PRIMA1: variants seen among roughly 807,000 people sequenced by gnomAD.
The protein encoded by PRIMA1 is proline-rich membrane anchor 1.
PRIMA1 carries 7 observed loss-of-function variants against 17.5 expected under a neutral mutation model. The observed-to-expected ratio is 0.40, with a 90% CI of 0.23 to 0.75. The LOEUF is 0.75. Ranked by LOEUF, PRIMA1 falls within the 30% of genes least tolerant of loss-of-function variation. The pLI, the probability that PRIMA1 is intolerant of heterozygous loss-of-function variation, is 0.37. For synonymous variants in PRIMA1, 97 were observed against 77.9 expected (o/e 1.25, Z -1.29); for missense variants, 200 against 201.8 (o/e 0.99, Z 0.05).
At chr14:93,738,468 G>T (rs924024531) in intron 3 of PRIMA1, among the ~76,000 whole-genome samples, 1 of 152,126 alleles carries the variant, frequency 6.6e-6, no homozygotes, top group Admixed American at 6.5e-5. Context: ...AGGGATGGAC[G>T]GATGGATGGA....
In PRIMA1 at chr14:93,746,751, C is replaced by T. The variant is rs139681079; in HGVS notation, c.230-9381G>A. Among the ~76,000 whole-genome samples, 218 of 152,176 alleles carry T rather than the reference C, an allele frequency of 1.4e-3. 6 individuals carry two copies. In the South Asian group the frequency reaches 0.042, roughly 29 times the overall value. On this transcript the variant is annotated intron_variant, in intron 3 of 4. Transcript: ENST00000393140. ...GGCGGGGCTCAGACTCAGGGTTCTC[C>T]GCAGAGGCGGTGAGGAAAGGTCAGA... is the stretch of plus-strand genomic sequence containing the variant.
At chr14:93,721,623 G>A (rs2076039384) in intron 4 of PRIMA1, 77 bp from the exon 5 acceptor site, 1 of 854,894 alleles carries the variant, frequency 1.2e-6, no homozygotes, top group South Asian at 1.4e-5. Context: ...TGATGGTGGG[G>A]TGTAACCTCC....
chr14:93,773,618 G>A (rs1469938577), intron 3 of PRIMA1, among the ~76,000 whole-genome samples: 3 of 152,226 alleles, frequency 2.0e-5, no homozygotes, highest in African/African-American at 7.2e-5. Flanking sequence ...GCAGAAAGTG[G>A]AGATGCTGCT....
At chr14:93,749,216 G>C (rs1362140985) in intron 3 of PRIMA1, among the ~76,000 whole-genome samples, 1 of 152,154 alleles carries the variant, frequency 6.6e-6, no homozygotes, top group Non-Finnish European at 1.5e-5. Context: ...CAGAAGGTCC[G>C]CATACTTGCC....
At chr14:93,769,054 A>G (rs1884977505) in intron 3 of PRIMA1, among the ~76,000 whole-genome samples, 1 of 150,042 alleles carries the variant, frequency 6.7e-6, no homozygotes, top group Non-Finnish European at 1.5e-5. Context: ...AAGTCCAGCC[A>G]TTCTAGAGGC....
intron 3 of PRIMA1, among the ~76,000 whole-genome samples, chr14:93,760,422 T>C (rs2076319698): frequency 6.6e-6 from 1 of 152,142 alleles, no homozygotes; most frequent in African/African-American, 2.4e-5. Context: ...TCTTCGTGAA[T>C]GCCATTTCTT....
chr14:93,741,574 TG>T (rs1219151398), intron 3 of PRIMA1, among the ~76,000 whole-genome samples: 1 of 152,242 alleles, frequency 6.6e-6, no homozygotes, highest in Non-Finnish European at 1.5e-5. Flanking sequence ...ACGTAAACTA[TG>T]CCTTTACCAG....
intron 3 of PRIMA1, among the ~76,000 whole-genome samples, chr14:93,747,685 C>T (rs974786060): frequency 6.8e-6 from 1 of 146,432 alleles, no homozygotes; most frequent in African/African-American, 2.5e-5. Context: ...TGACAGAGTA[C>T]ATGGGAGTGC....
At chr14:93,736,561 G>A (rs1018000871) in intron 4 of PRIMA1, among the ~76,000 whole-genome samples, 1 of 152,236 alleles carries the variant, frequency 6.6e-6, no homozygotes, top group African/African-American at 2.4e-5. Flanking sequence ...GCATGGAGCC[G>A]CCATGCCCGG....
intron 3 of PRIMA1, among the ~76,000 whole-genome samples, chr14:93,776,060 G>GT (rs924697135): frequency 1.3e-5 from 2 of 152,214 alleles, no homozygotes; most frequent in Non-Finnish European, 2.9e-5. Flanking sequence ...ATTACTGCCT[G>GT]TAAGAATGAT....
At chr14:93,722,360 G>GCAA (rs1445402195) in intron 4 of PRIMA1, among the ~76,000 whole-genome samples, 3 of 22,874 alleles carry the variant, frequency 1.3e-4, no homozygotes, top group Non-Finnish European at 2.3e-4. Flanking sequence ...GATGGTGGTA[G>GCAA]TGGTGATGCT....
At chr14:93,740,643 C>T (rs2076179012) in intron 3 of PRIMA1, among the ~76,000 whole-genome samples, 1 of 152,262 alleles carries the variant, frequency 6.6e-6, no homozygotes, top group African/African-American at 2.4e-5. Flanking sequence ...ACTCCTGTGG[C>T]TGGGGACAGA....
chr14:93,759,962 G>A (rs910984035), intron 3 of PRIMA1, among the ~76,000 whole-genome samples: 3 of 152,246 alleles, frequency 2.0e-5, no homozygotes, highest in African/African-American at 2.4e-5. Flanking sequence ...TCCAGGGGCC[G>A]AAGGGCAGCA....
Position 93,778,558 on chromosome 14 carries a change from G to A in PRIMA1, c.229+618C>T, listed in dbSNP as rs1885286367. ...CACGTGAAATACAGAACCTCCTTTG[G>A]AGAGACCTTATCAAGTAGCAATTGT... On this transcript the variant is annotated intron_variant, in intron 3 of 4. Coordinates refer to ENST00000393140, the MANE Select transcript of PRIMA1 (RefSeq NM_178013.4). Among the ~76,000 whole-genome samples, 3 of 152,216 alleles carry A rather than the reference G, an allele frequency of 2.0e-5. No individual in the cohort carries two copies. The South Asian group carries it at 6.2e-4, about 32-fold the overall frequency.
rs200406557 is a variant in PRIMA1 at position 93,779,150 on chromosome 14, C to T, written c.229+26G>A. The T allele has an allele frequency of 1.4e-4, 198 of 1,414,942 alleles. 1 individual carries two copies. In the African/African-American group the frequency reaches 2.6e-3, roughly 19 times the overall value. 87.6% of individuals were successfully genotyped at this position (1,414,942 alleles called of 1,614,324 possible). A position where few individuals can be genotyped will look rare whatever the true frequency, so the allele number is the denominator to read the frequency against. ...GCCTAGGAAAACACAAAGAGAAACCCGAAAATGGAGTGAGCCATTACTTAC... is the reference window on the plus strand; with the variant it reads ...GCCTAGGAAAACACAAAGAGAAACCTGAAAATGGAGTGAGCCATTACTTAC... On this transcript the variant is annotated intron_variant, in intron 3 of 4. Coordinates refer to ENST00000393140, the MANE Select transcript of PRIMA1 (RefSeq NM_178013.4).
intron 4 of PRIMA1, chr14:93,725,875 A>G (rs1566962431): frequency 4.4e-6 from 2 of 452,754 alleles, no homozygotes; most frequent in South Asian, 3.1e-5. Flanking sequence ...TGCTAGAGAG[A>G]GTTGTTAGGA....
chr14:93,735,546 G>A (rs1340704075), intron 4 of PRIMA1, among the ~76,000 whole-genome samples: 1 of 152,188 alleles, frequency 6.6e-6, no homozygotes, highest in East Asian at 1.9e-4. Flanking sequence ...ACAGCCTCAT[G>A]GAGCAGCCTG....
At chr14:93,737,475 C>T in intron 3 of PRIMA1, 105 bp from the exon 4 acceptor site, 1 of 1,380,518 alleles carries the variant, frequency 7.2e-7, no homozygotes, top group South Asian at 1.4e-5. Flanking sequence ...GTGGGGAGGT[C>T]ACTGGTGGGA....
At chr14:93,760,873 A>C (rs1427464337) in intron 3 of PRIMA1, among the ~76,000 whole-genome samples, 1 of 140,072 alleles carries the variant, frequency 7.1e-6, no homozygotes. Flanking sequence ...CCAGCCCACC[A>C]CTTCTACCAC....
Sources: gnomAD v4.1 joint callset for allele counts (sites outside exome capture counted in the v4.1 genomes callset) on GRCh38, gnomAD v4.1.1 for gene constraint, MANE v1.5 for transcripts, NCBI Gene and HGNC (gene_info 2026-07-23, HGNC 2026-07-21) for gene names.